The following CNOT4 variants were observed in gnomAD, a reference collection of about 807,000 sequenced individuals.
CNOT4 encodes the protein CCR4-NOT transcription complex subunit 4.
CNOT4 carries 8 observed loss-of-function variants against 73.8 expected under a neutral mutation model. The ratio of observed to expected loss-of-function variants is 0.11; its 90% confidence interval spans 0.06 to 0.20. The LOEUF is 0.20. Among genes scored for constraint, CNOT4 ranks in the 10% least tolerant of loss-of-function variants. The pLI is 1.00. For missense variants in CNOT4, 564 were observed against 883.4 expected (o/e 0.64, Z 4.58); for synonymous variants, 293 against 321.1 (o/e 0.91, Z 0.94).
chr7:135,447,938 GGAGA>G (rs1799929160), intron 1 of CNOT4, among the ~76,000 whole-genome samples: 1 of 152,142 alleles, frequency 6.6e-6, no homozygotes, highest in Non-Finnish European at 1.5e-5. Context: ...AGAAATCAGT[GGAGA>G]TAAAAAGCTG....
chr7:135,424,038 A>C (rs1483723596), intron 2 of CNOT4, among the ~76,000 whole-genome samples: 134 of 124,986 alleles, frequency 1.1e-3, no homozygotes, highest in African/African-American at 4.2e-3. Context: ...ACAAACAAAC[A>C]AAACACACAC....
chr7:135,363,991 T>G lies in CNOT4; in HGVS notation c.1703A>C (p.Asn568Thr). The change falls in exon 11 of 12, where the codon AAC becomes ACC. Residue 568 changes from asparagine to threonine, a missense_variant. Asn to Thr is a moderately conservative substitution (Grantham distance 65). Around this residue, in one of 10 missense-constraint regions of CNOT4, gnomAD observed 53 missense variants for 75.4 expected, o/e 0.70. Coordinates refer to ENST00000541284, the MANE Select transcript of CNOT4 (RefSeq NM_001190850.2). This position sits in a 1 kb window ranked among gnomAD's most constrained non-coding sequence, Gnocchi z 4.3. ...DGLRALLPNI[N>T]INFGGLPNSS... is the part of the protein sequence containing the mutation. ...ATTGGGCAGTCCACCAAAGTTGATG[T>G]TAATGTTGGGTAGAAGTGCCCTTAG... 6.3e-7 allele frequency: 1 copy of G among 1,598,490 alleles called. No homozygotes were observed.
chr7:135,393,152 T>C (rs1448040369), intron 10 of CNOT4, among the ~76,000 whole-genome samples: 1 of 152,178 alleles, frequency 6.6e-6, no homozygotes, highest in Non-Finnish European at 1.5e-5. Flanking sequence ...TTCCCTTGGA[T>C]ATAGAAGATA....
At chr7:135,419,388 C>A (rs1431152753) in intron 3 of CNOT4, among the ~76,000 whole-genome samples, 1 of 151,980 alleles carries the variant, frequency 6.6e-6, no homozygotes, top group East Asian at 1.9e-4. Context: ...TCGAGTGAAG[C>A]CAACTTCACT....
intron 7 of CNOT4, among the ~76,000 whole-genome samples, chr7:135,409,873 T>C (rs1174576651): frequency 3.3e-5 from 5 of 152,056 alleles, no homozygotes; most frequent in Admixed American, 6.6e-5. Context: ...CATAACAAAA[T>C]ATAATCTAAG....
At chr7:135,437,309 C>T (rs1251236542) in intron 2 of CNOT4, among the ~76,000 whole-genome samples, 1 of 152,178 alleles carries the variant, frequency 6.6e-6, no homozygotes, top group African/African-American at 2.4e-5. Flanking sequence ...CCTGCCTCAG[C>T]CTCCCAAGTA....
At chr7:135,440,903 A>G (rs1294277215) in intron 1 of CNOT4, among the ~76,000 whole-genome samples, 1 of 149,276 alleles carries the variant, frequency 6.7e-6, no homozygotes, top group Admixed American at 6.8e-5. Context: ...ACAGAGAGAG[A>G]CTCCGTCTCA....
intron 2 of CNOT4, among the ~76,000 whole-genome samples, chr7:135,431,390 T>C (rs973934814): frequency 4.6e-5 from 7 of 152,208 alleles, no homozygotes; most frequent in African/African-American, 1.4e-4. Context: ...CTTCTTGATA[T>C]AGATGGTCAA....
intron 1 of CNOT4, among the ~76,000 whole-genome samples, chr7:135,492,399 A>G (rs1803167784): frequency 6.6e-6 from 1 of 152,188 alleles, no homozygotes; most frequent in Non-Finnish European, 1.5e-5. Context: ...GGAGCAAGTG[A>G]GTTGAAGGCA....
At chr7:135,407,053 G>A (rs1352559847) in intron 7 of CNOT4, among the ~76,000 whole-genome samples, 2 of 152,210 alleles carry the variant, frequency 1.3e-5, no homozygotes, top group Non-Finnish European at 2.9e-5. Flanking sequence ...CCTTGGTGAT[G>A]AGTAAGCTCT....
chr7:135,422,653 TATG>T (rs1034035581), intron 2 of CNOT4, among the ~76,000 whole-genome samples: 1 of 152,134 alleles, frequency 6.6e-6, no homozygotes, highest in African/African-American at 2.4e-5. Context: ...CAACAGAGTT[TATG>T]GGAAGATTAA....
chr7:135,406,769 T>C (rs546683224), intron 7 of CNOT4, among the ~76,000 whole-genome samples: 7 of 152,298 alleles, frequency 4.6e-5, no homozygotes, highest in African/African-American at 1.4e-4. Flanking sequence ...TTTCCCCCTT[T>C]ACAACTTGTG....
At chr7:135,435,119 ATATT>A (rs1473079291) in intron 2 of CNOT4, among the ~76,000 whole-genome samples, 1 of 152,168 alleles carries the variant, frequency 6.6e-6, no homozygotes, top group Admixed American at 6.5e-5. Flanking sequence ...TGTATTCTAA[ATATT>A]TATCTCTCAC....
At chr7:135,453,756 A>T (rs1382804403) in intron 1 of CNOT4, among the ~76,000 whole-genome samples, 1 of 145,714 alleles carries the variant, frequency 6.9e-6, no homozygotes, top group Non-Finnish European at 1.5e-5. Context: ...TTATATATAT[A>T]TAAAATATAA....
chr7:135,408,402 A>ACTC (rs1394344416), intron 7 of CNOT4, among the ~76,000 whole-genome samples: 1 of 152,204 alleles, frequency 6.6e-6, no homozygotes, highest in African/African-American at 2.4e-5. Context: ...TCTGTGTATA[A>ACTC]TGGTTTATAG....
intron 10 of CNOT4, chr7:135,387,554 C>CTT (rs3841169): frequency 0.1 from 94,167 of 910,312 alleles, 2,445 homozygotes; most frequent in Non-Finnish European, 0.11. Flanking sequence ...CCCTTTCATA[C>CTT]TTTTTTTTTT....
At chr7:135,432,909 T>C (rs1485217593) in intron 2 of CNOT4, among the ~76,000 whole-genome samples, 2 of 152,236 alleles carry the variant, frequency 1.3e-5, no homozygotes, top group African/African-American at 2.4e-5. Flanking sequence ...CCTTGTCTTT[T>C]ACATGCGATC....
chr7:135,494,065 C>CAAA (rs34917518), intron 1 of CNOT4, among the ~76,000 whole-genome samples: 2 of 119,598 alleles, frequency 1.7e-5, no homozygotes, highest in Admixed American at 1.6e-4. Context: ...AAACCTGTAC[C>CAAA]AAAAAAAAAA....
chr7:135,378,607 T>C (rs933469996), intron 10 of CNOT4, among the ~76,000 whole-genome samples: 1 of 151,776 alleles, frequency 6.6e-6, no homozygotes, highest in Non-Finnish European at 1.5e-5. Flanking sequence ...ATTGGGCAGA[T>C]AGAGGGTCTG....
Sources: allele counts gnomAD v4.1 joint callset (sites outside exome capture counted in the v4.1 genomes callset), GRCh38; gene constraint gnomAD v4.1.1; regional missense constraint gnomAD v4.1.1; non-coding constraint Gnocchi (gnomAD v3.1); transcripts MANE v1.5; gene names NCBI Gene and HGNC (gene_info 2026-07-23, HGNC 2026-07-21).